ANKRD24: variants seen among roughly 807,000 people sequenced by gnomAD.
ANKRD24 encodes the protein ankyrin repeat domain 24.
A neutral mutation model predicts 127.8 loss-of-function variants in ANKRD24; 109 were observed. The ratio of observed to expected loss-of-function variants is 0.85; its 90% confidence interval spans 0.73 to 1.00. The LOEUF (loss-of-function observed/expected upper bound fraction) is 1.00, where lower values mean the gene tolerates loss of function less well. Among genes scored for constraint, ANKRD24 ranks in the 50% least tolerant of loss-of-function variants. The pLI is 0.00. For synonymous variants in ANKRD24, 743 were observed against 671.1 expected, an observed-to-expected ratio of 1.11 and a Z score of -1.66; for missense variants, 1,648 against 1,570.2, an observed-to-expected ratio of 1.05 and a Z score of -0.84.
At chr19:4,204,366 T>A (rs954099980) in intron 7 of ANKRD24, among the ~76,000 whole-genome samples, 4 of 152,182 alleles carry the variant, frequency 2.6e-5, no homozygotes, top group Non-Finnish European at 5.9e-5. Flanking sequence ...CAGATGAGGC[T>A]TGATGAGGCT....
chr19:4,196,690 A>T (rs1350975356), intron 2 of ANKRD24, among the ~76,000 whole-genome samples: 2 of 152,098 alleles, frequency 1.3e-5, no homozygotes, highest in East Asian at 3.9e-4. Context: ...GGCTCCTTCT[A>T]AAATGCCAAT....
chr19:4,186,887 A>G (rs755930721), intron 2 of ANKRD24, among the ~76,000 whole-genome samples: 20 of 152,242 alleles, frequency 1.3e-4, no homozygotes, highest in Non-Finnish European at 2.5e-4. Context: ...CAGGGGAATC[A>G]GCCAGGGAAT....
At chr19:4,222,646 C>A (rs1197355026) in intron 19 of ANKRD24, 24 bp from the exon 20 acceptor site, 2 of 1,582,334 alleles carry the variant, frequency 1.3e-6, no homozygotes, top group South Asian at 2.3e-5. Flanking sequence ...TTAGGGTGAT[C>A]GCTGACAGCA....
At position 4,208,626 on chromosome 19, in the gene ANKRD24, T is replaced by C. The variant is rs149006071; in HGVS notation, c.833-138T>C. On this transcript the variant is annotated intron_variant, in intron 10 of 21. Coordinates refer to ENST00000318934, the MANE Select transcript of ANKRD24 (RefSeq NM_001393985.1). ...GTCCCAAGTCCCTCTCTCAGCACTC[T>C]ACCCAAGCGCCAGATTTCTACCTTA... 26 of 757,118 alleles carry C rather than the reference T, an allele frequency of 3.4e-5. No individual in the cohort carries two copies. In the African/African-American group the frequency reaches 3.9e-4, roughly 11 times the overall value. The allele number at this position is 757,118 out of a possible 1,614,324, so 46.9% of individuals were successfully genotyped here.
At chr19:4,197,277 CGAATG>C (rs1009392804) in intron 2 of ANKRD24, among the ~76,000 whole-genome samples, 1 of 151,928 alleles carries the variant, frequency 6.6e-6, no homozygotes, top group African/African-American at 2.4e-5. Context: ...AATGAATGAA[CGAATG>C]ACTGATTGAA....
In ANKRD24 at chr19:4,199,998, A is replaced by G. The variant is rs1223743537; in HGVS notation, c.247A>G (p.Lys83Glu). 1 of 1,565,020 alleles carries G rather than the reference A, an allele frequency of 6.4e-7. No homozygotes were observed. The highest frequency in any genetic ancestry group is 8.7e-7 in the Non-Finnish European group (1 of 1,154,100). Reference sequence around the variant, plus strand: ...GCCCACGAAGCTAGACCCCGAGGGCAAGTCCGCGTGAGTGCCCGCGACCCG... The same window carrying G: ...GCCCACGAAGCTAGACCCCGAGGGCGAGTCCGCGTGAGTGCCCGCGACCCG... The part of the protein sequence containing the change: ...LVPTKLDPEG[K>E]SAFHLAAMRG... The change falls in exon 4 of 22, where the codon AAG becomes GAG. Residue 83 changes from lysine (K) to glutamate (E), a missense_variant. Lys to Glu is a moderately conservative substitution (Grantham distance 56). Transcript: ENST00000318934. This position sits in a 1 kb window ranked among gnomAD's most constrained non-coding sequence, Gnocchi z 5.2.
At chr19:4,219,862 C>A in intron 19 of ANKRD24, 104 bp downstream of exon 19, 2 of 1,303,862 alleles carry the variant, frequency 1.5e-6, no homozygotes, top group Non-Finnish European at 1.0e-6. Flanking sequence ...AAAATCAACC[C>A]ATTTTCCAGA....
chr19:4,195,553 C>A lies in ANKRD24; in HGVS notation c.37-4130C>A, dbSNP rs1968677415. Among the ~76,000 whole-genome samples, 1 of 152,166 alleles carries A rather than the reference C, an allele frequency of 6.6e-6. No individual in the cohort carries two copies. The highest frequency in any genetic ancestry group is 1.5e-5 in the Non-Finnish European group (1 of 68,022). On this transcript the variant is annotated intron_variant, in intron 2 of 21. Transcript: ENST00000318934. This position sits in a 1 kb window ranked among gnomAD's most constrained non-coding sequence, Gnocchi z 4.2. The stretch of plus-strand genomic sequence containing the variant: ...GACACCCTCCTTCCCAAATGCCTGT[C>A]ACTTTCCATTTTCCTGCCTTGGTTC...
chr19:4,215,433 C>T (rs899648343), intron 15 of ANKRD24, among the ~76,000 whole-genome samples: 2 of 147,636 alleles, frequency 1.4e-5, no homozygotes, highest in South Asian at 2.1e-4. Flanking sequence ...TACAGTGAGC[C>T]GAGATCGTGC....
chr19:4,188,589 C>G (rs1476046346), intron 2 of ANKRD24, among the ~76,000 whole-genome samples: 1 of 151,880 alleles, frequency 6.6e-6, no homozygotes, highest in Non-Finnish European at 1.5e-5. Context: ...GCTGTGTTGC[C>G]CAGGCTGGTC....
chr19:4,183,815 G>A (rs1287949774), intron 1 of ANKRD24, among the ~76,000 whole-genome samples: 1 of 152,168 alleles, frequency 6.6e-6, no homozygotes, highest in Admixed American at 6.5e-5. Context: ...GCTGAGGCAG[G>A]AGAATTGCTT....
intron 1 of ANKRD24, chr19:4,183,502 G>A: frequency 3.5e-6 from 1 of 287,266 alleles, no homozygotes; most frequent in Non-Finnish European, 5.2e-6. Context: ...GTGTGGTTGG[G>A]GTGCAATGGG....
intron 5 of ANKRD24, 31 bp from the exon 6 acceptor site, chr19:4,201,995 G>A (rs1969119096): frequency 6.2e-7 from 1 of 1,603,326 alleles, no homozygotes; most frequent in African/African-American, 1.3e-5. Context: ...TGAATAGCTG[G>A]AGCTCCAGTA....
intron 1 of ANKRD24, among the ~76,000 whole-genome samples, chr19:4,184,910 G>A (rs1411748706): frequency 1.3e-5 from 2 of 150,762 alleles, no homozygotes; most frequent in African/African-American, 4.9e-5. Context: ...ATGGATAAGT[G>A]GATGGATGGA....
At chr19:4,213,984 C>T (rs967441789) in intron 15 of ANKRD24, among the ~76,000 whole-genome samples, 4 of 152,106 alleles carry the variant, frequency 2.6e-5, no homozygotes, top group African/African-American at 9.7e-5. Context: ...GGATGGATAA[C>T]CACTCTCTAT....
chr19:4,221,974 T>C (rs1224632850), intron 19 of ANKRD24, among the ~76,000 whole-genome samples: 2 of 152,174 alleles, frequency 1.3e-5, no homozygotes, highest in Non-Finnish European at 2.9e-5. Flanking sequence ...GGGGCAGAAT[T>C]GCCTCAAGTT....
At chr19:4,203,871 G>A (rs1279558587) in intron 7 of ANKRD24, among the ~76,000 whole-genome samples, 5 of 147,868 alleles carry the variant, frequency 3.4e-5, no homozygotes, top group African/African-American at 1.3e-4. Flanking sequence ...GGCTCATCTC[G>A]AACTCCTGAC....
At position 4,222,664 on chromosome 19, in the gene ANKRD24, C is replaced by G; in HGVS notation, c.3172-6C>G. The G allele has an allele frequency of 6.3e-7, 1 of 1,598,026 alleles. No individual in the cohort carries two copies. The highest frequency in any genetic ancestry group is 2.3e-5 in the East Asian group (1 of 44,302). On this transcript the variant is annotated splice_polypyrimidine_tract_variant and splice_region_variant and intron_variant, in intron 19 of 21. Coordinates refer to ENST00000318934, the MANE Select transcript of ANKRD24 (RefSeq NM_001393985.1). ...GGGTGATCGCTGACAGCACCTGCAC[C>G]CTCAGATCACAGAACTCTCCAAAGA... is the stretch of plus-strand genomic sequence containing the variant.
chr19:4,186,333 C>A, intron 1 of ANKRD24, 57 bp from the exon 2 acceptor site: 1 of 1,544,846 alleles, frequency 6.5e-7, no homozygotes, highest in Non-Finnish European at 8.7e-7. Context: ...GGCAACGGAC[C>A]CTGCCGCCCA....
Sources: gnomAD v4.1 joint callset for allele counts (sites outside exome capture counted in the v4.1 genomes callset) on GRCh38, gnomAD v4.1.1 for gene constraint, Gnocchi (gnomAD v3.1) non-coding constraint, MANE v1.5 for transcripts, NCBI Gene and HGNC (gene_info 2026-07-23, HGNC 2026-07-21) for gene names.